FBLN2: variants seen among roughly 807,000 people sequenced by gnomAD.
FBLN2 encodes the protein fibulin-2.
Under a neutral mutation model 123.7 loss-of-function variants are expected in FBLN2, and 81 were observed. The observed-to-expected ratio is 0.65, with a 90% CI of 0.55 to 0.79. FBLN2 has a LOEUF of 0.79. FBLN2 is among the 30% of genes least tolerant of loss of function. The pLI is 0.00. For missense variants in FBLN2, 1,603 were observed against 1,681.3 expected (o/e 0.95, Z 0.81); for synonymous variants, 699 against 701.4 (o/e 1.00, Z 0.05).
intron 9 of FBLN2, among the ~76,000 whole-genome samples, chr3:13,623,462 G>T (rs1429246032): frequency 6.6e-6 from 1 of 152,128 alleles, no homozygotes; most frequent in East Asian, 1.9e-4. Context: ...TGTTCATCCT[G>T]TACAAACCCG....
rs749491037 is a variant in FBLN2 at position 13,636,546 on chromosome 3, A to C, written c.3316A>C (p.Asn1106His). 1 of 1,613,544 alleles carries C rather than the reference A, an allele frequency of 6.2e-7. No individual in the cohort carries two copies. The highest frequency in any genetic ancestry group is 8.5e-7 in the Non-Finnish European group (1 of 1,179,726). Residue 1106 changes from asparagine (N) to histidine (H), a missense_variant, in exon 17 of 18, where the codon AAC (asparagine) becomes CAC (histidine). Physicochemically the swap from Asn to His is moderately conservative, Grantham distance 68. Transcript: ENST00000404922. ...CTGCCTGCGCTTCGAGTGTCCTCCCAACTATGTCCAAGTCTCCAAAACGTG... is the reference window on the plus strand; with the variant it reads ...CTGCCTGCGCTTCGAGTGTCCTCCCCACTATGTCCAAGTCTCCAAAACGTG... ...FRCLRFECPPNYVQVSKTKCE... is the reference protein window; with the variant it reads ...FRCLRFECPPHYVQVSKTKCE...
At chr3:13,560,133 C>T (rs147160753) in intron 1 of FBLN2, among the ~76,000 whole-genome samples, 68 of 152,260 alleles carry the variant, frequency 4.5e-4, no homozygotes, top group African/African-American at 1.6e-3. Flanking sequence ...GGACATTAAT[C>T]TTTGTAATTT....
chr3:13,549,276 G>A, intron 1 of FBLN2, 68 bp downstream of exon 1: 1 of 945,912 alleles, frequency 1.1e-6, no homozygotes, highest in African/African-American at 1.8e-5. Flanking sequence ...CTCAGGACTC[G>A]GGGGCGCTCG....
At chr3:13,606,448 A>T (rs150780429) in intron 2 of FBLN2, among the ~76,000 whole-genome samples, 294 of 152,012 alleles carry the variant, frequency 1.9e-3, no homozygotes, top group Non-Finnish European at 3.4e-3. Flanking sequence ...CCTACCTTTG[A>T]CTCCTTCCAG....
chr3:13,582,528 C>T (rs569661725), intron 2 of FBLN2, among the ~76,000 whole-genome samples: 2 of 152,328 alleles, frequency 1.3e-5, no homozygotes, highest in East Asian at 1.9e-4. Flanking sequence ...CCTCCACCCC[C>T]TTGTCCACTC....
At chr3:13,607,362 A>G (rs1193859310) in intron 2 of FBLN2, among the ~76,000 whole-genome samples, 1 of 152,188 alleles carries the variant, frequency 6.6e-6, no homozygotes, top group Non-Finnish European at 1.5e-5. Flanking sequence ...TATGTTTACT[A>G]TTCATGCAGT....
intron 7 of FBLN2, 21 bp downstream of exon 7, chr3:13,619,038 C>G: frequency 6.3e-7 from 1 of 1,581,108 alleles, no homozygotes; most frequent in South Asian, 1.1e-5. Flanking sequence ...TGGGTGGTGT[C>G]TCCAGGACAG....
Position 13,638,216 on chromosome 3 carries a change from G to A in FBLN2, c.*297G>A, listed in dbSNP as rs1315076724. On this transcript the variant is annotated 3_prime_UTR_variant, in exon 18 of 18. Transcript: ENST00000404922. Reference sequence around the variant, plus strand: ...GGACCAGAGACACGCGACCATGTTGGGGCTCTTGGACTCCTCTGGATGACC... The same window carrying A: ...GGACCAGAGACACGCGACCATGTTGAGGCTCTTGGACTCCTCTGGATGACC... The A allele has an allele frequency of 5.0e-6, 3 of 602,564 alleles. No individual in the cohort carries two copies. The Admixed American group carries it at 7.7e-5, about 15-fold the overall frequency. The allele number at this position is 602,564 out of a possible 1,614,324, so 37.3% of individuals were successfully genotyped here. A position where few individuals can be genotyped will look rare whatever the true frequency, so the allele number is the denominator to read the frequency against.
intron 2 of FBLN2, among the ~76,000 whole-genome samples, chr3:13,603,410 C>A (rs1705105511): frequency 7.2e-6 from 1 of 138,770 alleles, no homozygotes; most frequent in Admixed American, 7.6e-5. Context: ...ACGACAGGCC[C>A]CAGTGTGTGA....
chr3:13,618,268 G>A lies in FBLN2; in HGVS notation c.1922G>A (p.Gly641Asp). The stretch of plus-strand genomic sequence containing the variant: ...CCTGGCTTCTCACTGCAGGACGATG[G>A]CCGCACTTGCCGCCCAGGTAAGGGC... Reference protein sequence around the residue: ...CFPGFSLQDDGRTCRPEGHPP... With the variant: ...CFPGFSLQDDDRTCRPEGHPP... Residue 641 changes from glycine (G) to aspartate (D), a missense_variant, in exon 6 of 18, where the codon GGC (glycine) becomes GAC (aspartate). Coordinates refer to ENST00000404922, the MANE Select transcript of FBLN2 (RefSeq NM_001004019.2). 1 of 1,613,858 alleles carries A rather than the reference G, an allele frequency of 6.2e-7. No individual in the cohort carries two copies. The highest frequency in any genetic ancestry group is 8.5e-7 in the Non-Finnish European group (1 of 1,179,902).
At chr3:13,569,630 G>A (rs957649906) in intron 1 of FBLN2, among the ~76,000 whole-genome samples, 4 of 152,058 alleles carry the variant, frequency 2.6e-5, no homozygotes, top group South Asian at 2.1e-4. Context: ...GGACAGGAGC[G>A]TCCCCTGGGG....
At chr3:13,618,625 C>T (rs1705719427) in intron 6 of FBLN2, among the ~76,000 whole-genome samples, 1 of 152,208 alleles carries the variant, frequency 6.6e-6, no homozygotes, top group African/African-American at 2.4e-5. Context: ...AGTCACTGGT[C>T]CCAGAATTGA....
chr3:13,615,351 G>A (rs1000017389), intron 5 of FBLN2, among the ~76,000 whole-genome samples: 3 of 152,254 alleles, frequency 2.0e-5, no homozygotes, highest in Admixed American at 2.0e-4. Context: ...AGAACCACCA[G>A]CCCAGTTTTT....
intron 2 of FBLN2, among the ~76,000 whole-genome samples, 199 bp from the exon 3 acceptor site, chr3:13,607,863 C>A (rs1705259109): frequency 6.6e-6 from 1 of 152,178 alleles, no homozygotes; most frequent in Admixed American, 6.5e-5. Flanking sequence ...GGGCTCCTCC[C>A]AGCCCCCATA....
chr3:13,577,775 C>A (rs759520324), intron 2 of FBLN2, among the ~76,000 whole-genome samples: 2 of 152,216 alleles, frequency 1.3e-5, no homozygotes, highest in African/African-American at 2.4e-5. Context: ...TTGCTGCAGT[C>A]CCCTCCAGGC....
At chr3:13,564,398 A>C (rs1390371893) in intron 1 of FBLN2, among the ~76,000 whole-genome samples, 1 of 152,164 alleles carries the variant, frequency 6.6e-6, no homozygotes. Flanking sequence ...TCCCCTGCAA[A>C]TATTTAAAAA....
Position 13,636,463 on chromosome 3 carries a change from T to C in FBLN2, c.3233T>C (p.Leu1078Pro). 2 of 1,613,676 alleles carry C rather than the reference T, an allele frequency of 1.2e-6. No individual in the cohort carries two copies. Among genetic ancestry groups the C allele is most frequent in the Non-Finnish European group, 1.7e-6 (2 of 1,179,746 alleles). ...RSCKDVDECALGTHNCSEAET... is the reference protein window; with the variant it reads ...RSCKDVDECAPGTHNCSEAET... Reference sequence around the variant, plus strand: ...CCCCCAGACGTGGATGAGTGTGCACTGGGTACCCACAACTGTTCCGAGGCT... The same window carrying C: ...CCCCCAGACGTGGATGAGTGTGCACCGGGTACCCACAACTGTTCCGAGGCT... The change falls in exon 17 of 18, where the codon CTG (leucine) becomes CCG (proline). Residue 1078 changes from leucine (L) to proline (P), a missense_variant. Transcript: ENST00000404922.
In FBLN2 at chr3:13,637,955, C is replaced by T. The variant is rs541849507; in HGVS notation, c.*36C>T. ...CGGGCCACCTGCGGGTGTGGCGCAG[C>T]CCAGGGCTCACACTGCGTGGGAGGG... On this transcript the variant is annotated 3_prime_UTR_variant, in exon 18 of 18. Transcript: ENST00000404922. 1 of 1,519,918 alleles carries T rather than the reference C, an allele frequency of 6.6e-7. No homozygotes were observed. The highest frequency in any genetic ancestry group is 2.3e-5 in the East Asian group (1 of 44,064). The allele number at this position is 1,519,918 out of a possible 1,614,324, so 94.2% of individuals were successfully genotyped here.
At chr3:13,586,168 T>C (rs993766235) in intron 2 of FBLN2, among the ~76,000 whole-genome samples, 1 of 152,146 alleles carries the variant, frequency 6.6e-6, no homozygotes, top group Non-Finnish European at 1.5e-5. Flanking sequence ...TGTGTGTTTA[T>C]GTCTTAGTTT....
Sources: allele counts gnomAD v4.1 joint callset (sites outside exome capture counted in the v4.1 genomes callset), GRCh38; gene constraint gnomAD v4.1.1; transcripts MANE v1.5; gene names NCBI Gene and HGNC (gene_info 2026-07-23, HGNC 2026-07-21).